Variants in CMSS1 observed in about 807,000 individuals in gnomAD.
CMSS1 encodes protein CMSS1.
In CMSS1, 33 loss-of-function variants were observed where a neutral mutation model predicts 43.5. The observed-to-expected ratio is 0.76, with a 90% CI of 0.57 to 1.01. The LOEUF (loss-of-function observed/expected upper bound fraction) is 1.01. Among genes scored for constraint, CMSS1 ranks in the 50% least tolerant of loss-of-function variants. The probability of loss-of-function intolerance (pLI) is 0.00; values close to 1 mark genes in which losing one functional copy is unlikely to be tolerated. For synonymous variants in CMSS1, 115 were observed against 117.2 expected, an observed-to-expected ratio of 0.98 and a Z score of 0.12; for missense variants, 313 against 326.4, an observed-to-expected ratio of 0.96 and a Z score of 0.32.
At chr3:99,965,765 G>A (rs868057869) in intron 1 of CMSS1, among the ~76,000 whole-genome samples, 2 of 152,180 alleles carry the variant, frequency 1.3e-5, no homozygotes, top group African/African-American at 2.4e-5. Context: ...GTTACCAGAT[G>A]GAGGTCATTA....
intron 1 of CMSS1, among the ~76,000 whole-genome samples, chr3:99,999,341 C>T (rs1226244505): frequency 2.0e-5 from 3 of 152,108 alleles, no homozygotes; most frequent in African/African-American, 4.8e-5. Context: ...GAATGGAAGG[C>T]GTGTATATTC....
chr3:99,956,631 G>GC (rs1708327806), intron 1 of CMSS1, among the ~76,000 whole-genome samples: 1 of 152,180 alleles, frequency 6.6e-6, no homozygotes, highest in Admixed American at 6.5e-5. Flanking sequence ...AAAGGCGTGA[G>GC]CCCCCGCGCC....
intron 1 of CMSS1, among the ~76,000 whole-genome samples, chr3:100,002,432 C>G (rs1377650081): frequency 1.3e-5 from 2 of 152,088 alleles, no homozygotes; most frequent in African/African-American, 4.8e-5. Flanking sequence ...AGTGAATATT[C>G]ACATTTTCTA....
chr3:99,971,595 G>A (rs73859911), intron 1 of CMSS1, among the ~76,000 whole-genome samples: 14,922 of 152,130 alleles, frequency 0.098, 888 homozygotes, highest in African/African-American at 0.16. Flanking sequence ...ATCAGCTTTT[G>A]TCTTGTAGCC....
At chr3:100,084,647 C>T (rs932355677) in intron 1 of CMSS1, among the ~76,000 whole-genome samples, 4 of 152,062 alleles carry the variant, frequency 2.6e-5, no homozygotes, top group African/African-American at 7.2e-5. Flanking sequence ...GGGATTTGAC[C>T]GTAAAGCCAT....
At chr3:100,017,797 G>C (rs565760258) in intron 1 of CMSS1, among the ~76,000 whole-genome samples, 5 of 152,104 alleles carry the variant, frequency 3.3e-5, no homozygotes, top group Non-Finnish European at 5.9e-5. Flanking sequence ...GGTCTTCTCC[G>C]ACCTTCAGTG....
intron 1 of CMSS1, among the ~76,000 whole-genome samples, chr3:99,871,471 G>C (rs150650065): frequency 6.6e-6 from 1 of 152,288 alleles, no homozygotes; most frequent in Non-Finnish European, 1.5e-5. Context: ...GGAGTTTATA[G>C]TCCAAGAGAC....
chr3:99,984,638 C>G (rs1709276818), intron 1 of CMSS1, among the ~76,000 whole-genome samples: 1 of 152,162 alleles, frequency 6.6e-6, no homozygotes, highest in Admixed American at 6.5e-5. Context: ...AGAATGAGCA[C>G]CTTTGCCAAA....
At chr3:100,033,821 A>G (rs909046808) in intron 1 of CMSS1, among the ~76,000 whole-genome samples, 3 of 152,190 alleles carry the variant, frequency 2.0e-5, no homozygotes, top group African/African-American at 7.2e-5. Flanking sequence ...GAGGTCAAGT[A>G]TCCAGTATAC....
intron 1 of CMSS1, among the ~76,000 whole-genome samples, chr3:99,895,443 A>G (rs1236149520): frequency 6.6e-6 from 1 of 151,088 alleles, no homozygotes; most frequent in East Asian, 1.9e-4. Context: ...GGCTTATTCA[A>G]GGTACTGTAT....
intron 1 of CMSS1, among the ~76,000 whole-genome samples, chr3:99,893,024 A>G (rs1220976284): frequency 6.6e-6 from 1 of 152,172 alleles, no homozygotes; most frequent in African/African-American, 2.4e-5. Context: ...AGGAGTGGCA[A>G]TGCCTTGCTA....
At chr3:100,015,047 T>C (rs1177039905) in intron 1 of CMSS1, among the ~76,000 whole-genome samples, 1 of 151,898 alleles carries the variant, frequency 6.6e-6, no homozygotes, top group Admixed American at 6.6e-5. Flanking sequence ...AAGGCTTTAA[T>C]CTATCTTGAG....
intron 1 of CMSS1, among the ~76,000 whole-genome samples, chr3:99,949,992 T>A (rs1370269803): frequency 6.6e-6 from 1 of 152,196 alleles, no homozygotes; most frequent in Non-Finnish European, 1.5e-5. Context: ...TTTACTTTCA[T>A]AATCAAAGGT....
intron 1 of CMSS1, among the ~76,000 whole-genome samples, chr3:99,908,457 G>C (rs569447102): frequency 3.2e-4 from 49 of 152,206 alleles, no homozygotes; most frequent in African/African-American, 1.2e-3. Context: ...AGTATGTTTG[G>C]GGTTGGGCCC....
At chr3:100,021,111 G>A (rs948612592) in intron 1 of CMSS1, among the ~76,000 whole-genome samples, 5 of 152,110 alleles carry the variant, frequency 3.3e-5, no homozygotes, top group Non-Finnish European at 5.9e-5. Context: ...TTTCAAGGCC[G>A]GTCAATTGCC....
intron 1 of CMSS1, among the ~76,000 whole-genome samples, chr3:100,054,432 C>T (rs921784537): frequency 2.0e-5 from 3 of 152,118 alleles, no homozygotes; most frequent in Non-Finnish European, 1.5e-5. Context: ...GGAGCACGTA[C>T]TCTTGCCTGC....
intron 1 of CMSS1, among the ~76,000 whole-genome samples, chr3:99,942,049 T>A (rs749487463): frequency 2.0e-4 from 30 of 152,262 alleles, no homozygotes; most frequent in Admixed American, 4.6e-4. Context: ...ACTGTATCTC[T>A]ACTAAAAATA....
chr3:100,085,642 C>T (rs62285470), intron 1 of CMSS1, among the ~76,000 whole-genome samples: 4,033 of 152,282 alleles, frequency 0.026, 73 homozygotes, highest in Non-Finnish European at 0.043. Context: ...CTTTCCGTCT[C>T]TCATGAGGGA....
chr3:100,126,382 G>A (rs146664971), intron 1 of CMSS1, among the ~76,000 whole-genome samples: 1 of 152,320 alleles, frequency 6.6e-6, no homozygotes, highest in South Asian at 2.1e-4. Flanking sequence ...TAAAATAGTT[G>A]TACTTCTCTT....
Sources: allele counts gnomAD v4.1 joint callset (sites outside exome capture counted in the v4.1 genomes callset), GRCh38; gene constraint gnomAD v4.1.1; transcripts MANE v1.5; gene names NCBI Gene and HGNC (gene_info 2026-07-23, HGNC 2026-07-21).